Variants in GPC6 observed in about 807,000 individuals in gnomAD.
The protein encoded by GPC6 is glypican 6, also known as glypican-6.
A neutral mutation model predicts 55.2 loss-of-function variants in GPC6; 14 were observed. That is an observed-to-expected ratio of 0.25 (90% CI 0.17 to 0.40). The LOEUF is 0.40. Ranked by LOEUF, GPC6 falls within the 10% of genes least tolerant of loss-of-function variation. The probability of loss-of-function intolerance (pLI) is 1.00; values close to 1 mark genes in which losing one functional copy is unlikely to be tolerated. For missense variants in GPC6, 641 were observed against 708.5 expected, an observed-to-expected ratio of 0.90 and a Z score of 1.08; for synonymous variants, 278 against 259.6, an observed-to-expected ratio of 1.07 and a Z score of -0.68.
At chr13:93,758,639 T>TC (rs1345741512) in intron 2 of GPC6, among the ~76,000 whole-genome samples, 1 of 147,614 alleles carries the variant, frequency 6.8e-6, no homozygotes, top group African/African-American at 2.5e-5. Flanking sequence ...CATATAGGCC[T>TC]TTTTTTTTTC....
chr13:93,369,718 G>A (rs1056917437), intron 1 of GPC6, among the ~76,000 whole-genome samples: 1 of 152,010 alleles, frequency 6.6e-6, no homozygotes, highest in East Asian at 1.9e-4. Context: ...CAGTTTAAAC[G>A]TTTTTTTGTC....
chr13:93,333,645 C>T (rs1035876330), intron 1 of GPC6, among the ~76,000 whole-genome samples: 2 of 151,696 alleles, frequency 1.3e-5, no homozygotes, highest in Non-Finnish European at 2.9e-5. Flanking sequence ...GATCCTCCCA[C>T]CTCAGCCTCC....
In GPC6 at chr13:93,795,194, TA is replaced by T. The variant is rs142132611; in HGVS notation, c.320-34953del. ...GTATAATAGTTGTATATATGTAGGG[TA>T]AAAAAAGATCGTGGGGAGATGTGCT... On this transcript the variant is annotated intron_variant, in intron 2 of 8. Coordinates refer to ENST00000377047, the MANE Select transcript of GPC6 (RefSeq NM_005708.5). Among the ~76,000 whole-genome samples, 785 of 152,198 alleles carry T rather than the reference TA, an allele frequency of 5.2e-3. 4 individuals are homozygous for T. Among genetic ancestry groups the T allele is most frequent in the Non-Finnish European group, 8.6e-3 (583 of 67,990 alleles).
intron 6 of GPC6, among the ~76,000 whole-genome samples, chr13:94,341,942 T>C (rs1878062126): frequency 6.6e-6 from 1 of 152,204 alleles, no homozygotes; most frequent in Non-Finnish European, 1.5e-5. Flanking sequence ...GAATTAGTAA[T>C]AAGACACTGA....
chr13:93,493,219 A>G (rs1208400105), intron 1 of GPC6, among the ~76,000 whole-genome samples: 3 of 53,892 alleles, frequency 5.6e-5, no homozygotes. Context: ...TGGTCTATTC[A>G]GAGATTCAAC....
chr13:94,214,408 A>G (rs1203060559), intron 4 of GPC6, among the ~76,000 whole-genome samples: 2 of 152,216 alleles, frequency 1.3e-5, no homozygotes, highest in Admixed American at 1.3e-4. Context: ...AGGGAATTTA[A>G]TTAATATATC....
At chr13:93,346,937 T>C (rs945114211) in intron 1 of GPC6, among the ~76,000 whole-genome samples, 1 of 152,214 alleles carries the variant, frequency 6.6e-6, no homozygotes, top group Admixed American at 6.6e-5. Context: ...TCTTTGTTAA[T>C]ACTTTCAATG....
chr13:93,416,148 T>C (rs1479211813), intron 1 of GPC6, among the ~76,000 whole-genome samples: 4 of 152,072 alleles, frequency 2.6e-5, no homozygotes, highest in Non-Finnish European at 5.9e-5. Context: ...AAATTGGTGT[T>C]ATTGAGCACT....
chr13:93,310,815 AT>A (rs1181952970), intron 1 of GPC6, among the ~76,000 whole-genome samples: 4 of 152,202 alleles, frequency 2.6e-5, no homozygotes, highest in African/African-American at 4.8e-5. Flanking sequence ...TCGTTTTGGT[AT>A]TTGAATAACT....
chr13:94,106,754 A>G (rs1423903141), intron 4 of GPC6, among the ~76,000 whole-genome samples: 2 of 152,162 alleles, frequency 1.3e-5, no homozygotes, highest in Non-Finnish European at 2.9e-5. Flanking sequence ...GACCTTTCTC[A>G]GTGAAGTAGT....
chr13:93,646,784 G>A (rs1291769390), intron 2 of GPC6, among the ~76,000 whole-genome samples: 1 of 151,442 alleles, frequency 6.6e-6, no homozygotes, highest in Non-Finnish European at 1.5e-5. Flanking sequence ...CTGCATCCTT[G>A]GCATCCTGTA....
chr13:93,869,966 A>C (rs1443038797), intron 3 of GPC6, among the ~76,000 whole-genome samples: 4 of 151,786 alleles, frequency 2.6e-5, no homozygotes, highest in Admixed American at 6.6e-5. Context: ...GGAGATGGCA[A>C]TTTTGATCTC....
chr13:93,296,537 G>A (rs935925774), intron 1 of GPC6, among the ~76,000 whole-genome samples: 2 of 151,922 alleles, frequency 1.3e-5, no homozygotes, highest in Non-Finnish European at 2.9e-5. Flanking sequence ...TTGAGACTCT[G>A]TAATCTGGAC....
chr13:93,797,902 T>C (rs1886250457), intron 2 of GPC6, among the ~76,000 whole-genome samples: 1 of 152,188 alleles, frequency 6.6e-6, no homozygotes, highest in African/African-American at 2.4e-5. Context: ...GGTTACAATT[T>C]TGTTAGTTTG....
At chr13:94,145,022 A>C (rs2138886267) in intron 4 of GPC6, among the ~76,000 whole-genome samples, 1 of 152,268 alleles carries the variant, frequency 6.6e-6, no homozygotes, top group Non-Finnish European at 1.5e-5. Flanking sequence ...AATATTGATT[A>C]GAGAGTAAGT....
intron 1 of GPC6, among the ~76,000 whole-genome samples, chr13:93,490,625 C>T (rs1218644237): frequency 4.6e-5 from 6 of 130,348 alleles, no homozygotes; most frequent in East Asian, 3.6e-4. Flanking sequence ...CCCACTAACT[C>T]GTCATCTAGC....
chr13:93,719,100 C>CT (rs1473846961), intron 2 of GPC6, among the ~76,000 whole-genome samples: 1 of 151,736 alleles, frequency 6.6e-6, no homozygotes, highest in Non-Finnish European at 1.5e-5. Context: ...TTTAAAGTAG[C>CT]TTTTTTCTAA....
chr13:93,324,396 ATAATT>A (rs1879565453), intron 1 of GPC6, among the ~76,000 whole-genome samples: 2 of 152,098 alleles, frequency 1.3e-5, no homozygotes, highest in Admixed American at 1.3e-4. Context: ...ACTATAGTCA[ATAATT>A]TAATTTAAAA....
chr13:94,399,231 A>G (rs187862817), intron 8 of GPC6, among the ~76,000 whole-genome samples: 1 of 152,260 alleles, frequency 6.6e-6, no homozygotes, highest in Non-Finnish European at 1.5e-5. Flanking sequence ...TTCCCTCTCT[A>G]TCCAGCTATG....
Sources: gnomAD v4.1 joint callset for allele counts (sites outside exome capture counted in the v4.1 genomes callset) on GRCh38, gnomAD v4.1.1 for gene constraint, MANE v1.5 for transcripts, NCBI Gene and HGNC (gene_info 2026-07-23, HGNC 2026-07-21) for gene names.